Variants in IFFO2 observed in about 807,000 individuals in gnomAD.
The protein encoded by IFFO2 is intermediate filament family orphan 2.
In IFFO2, 19 loss-of-function variants were observed where a neutral mutation model predicts 53.5. The observed-to-expected ratio is 0.36, with a 90% CI of 0.25 to 0.52. The LOEUF is 0.52. Ranked by LOEUF, IFFO2 falls within the 20% of genes least tolerant of loss-of-function variation. The pLI is 0.94. For missense variants in IFFO2, 570 were observed against 727.4 expected (o/e 0.78, Z 2.49); for synonymous variants, 303 against 313.6 (o/e 0.97, Z 0.36).
chr1:18,919,931 T>C lies in IFFO2; in HGVS notation c.727-158A>G, dbSNP rs1340963282. ...ACCAAGGACCTCATCCCAGCCTGAC[T>C]TCCCACTGAACACTGTTGACTGCTT... On this transcript the variant is annotated intron_variant, in intron 2 of 8. Coordinates refer to ENST00000455833, the MANE Select transcript of IFFO2 (RefSeq NM_001136265.2). The surrounding 1 kb of genome is among the most constrained non-coding windows in gnomAD (Gnocchi z 4.9). Among the ~76,000 whole-genome samples, 1 of 152,224 alleles carries C rather than the reference T, an allele frequency of 6.6e-6. No individual in the cohort carries two copies. The highest frequency in any genetic ancestry group is 2.1e-4 in the South Asian group (1 of 4,834).
chr1:18,950,371 G>A (rs1557651149), intron 1 of IFFO2, among the ~76,000 whole-genome samples: 1 of 152,214 alleles, frequency 6.6e-6, no homozygotes, highest in Non-Finnish European at 1.5e-5. Context: ...GGCTGGGGTG[G>A]AGGTAGGTAT....
chr1:18,955,221 C>G (rs1418327281), intron 1 of IFFO2, among the ~76,000 whole-genome samples: 1 of 152,186 alleles, frequency 6.6e-6, no homozygotes, highest in Non-Finnish European at 1.5e-5. Context: ...AGGAGACAGA[C>G]TAGCCAGGAG....
intron 1 of IFFO2, among the ~76,000 whole-genome samples, chr1:18,950,646 C>G (rs975664534): frequency 6.6e-6 from 1 of 152,196 alleles, no homozygotes; most frequent in Non-Finnish European, 1.5e-5. Context: ...TCAGAAATAA[C>G]GAAAGTGTCA....
Position 18,916,503 on chromosome 1 carries a change from C to A in IFFO2, c.1103+400G>T, listed in dbSNP as rs1020706826. Among the ~76,000 whole-genome samples, 1 of 151,882 alleles carries A rather than the reference C, an allele frequency of 6.6e-6. No homozygotes were observed. The highest frequency in any genetic ancestry group is 2.4e-5 in the African/African-American group (1 of 41,346). On this transcript the variant is annotated intron_variant, in intron 5 of 8. Transcript: ENST00000455833. The surrounding 1 kb of genome is among the most constrained non-coding windows in gnomAD (Gnocchi z 4.3). ...AGTCTTGGCTGTGTGCAGTGGTTCA[C>A]GCCTGTAATCCCAGCACTTTGGGAG...
Position 18,917,583 on chromosome 1 carries a change from A to C in IFFO2, c.964-541T>G, listed in dbSNP as rs1027150003. Among the ~76,000 whole-genome samples the C allele has an allele frequency of 2.6e-5, 4 of 152,272 alleles. No homozygotes were observed. The highest frequency in any genetic ancestry group is 7.2e-5 in the African/African-American group (3 of 41,570). On this transcript the variant is annotated intron_variant, in intron 4 of 8. Transcript: ENST00000455833. This position sits in a 1 kb window ranked among gnomAD's most constrained non-coding sequence, Gnocchi z 5.9. ...GCAGAGGGACAGCAAGAAGGCATGGAGGTGGAGAGAGGGCCCCAGGGAGGC... is the reference window on the plus strand; with the variant it reads ...GCAGAGGGACAGCAAGAAGGCATGGCGGTGGAGAGAGGGCCCCAGGGAGGC...
chr1:18,944,191 C>T (rs1368921212), intron 1 of IFFO2, among the ~76,000 whole-genome samples: 1 of 152,194 alleles, frequency 6.6e-6, no homozygotes, highest in Admixed American at 6.5e-5. Flanking sequence ...GAAACCACTA[C>T]AGAATGGCTG....
At chr1:18,931,697 C>T (rs1026182791) in intron 1 of IFFO2, among the ~76,000 whole-genome samples, 2 of 152,190 alleles carry the variant, frequency 1.3e-5, no homozygotes, top group Non-Finnish European at 2.9e-5. Context: ...TTCTGTGAGC[C>T]GGATGTTATC....
At position 18,912,054 on chromosome 1, in the gene IFFO2, C is replaced by T; in HGVS notation, c.1133G>A (p.Cys378Tyr). 1 of 1,551,730 alleles carries T rather than the reference C, an allele frequency of 6.4e-7. No homozygotes were observed. The highest frequency in any genetic ancestry group is 1.2e-5 in the South Asian group (1 of 84,056). Residue 378 changes from cysteine (C) to tyrosine (Y), a missense_variant, in exon 6 of 9, where the codon TGT (cysteine) becomes TAT (tyrosine). Transcript: ENST00000455833. Reference protein sequence around the residue: ...LRETFDFDDDCDSLTWEENED... With the variant: ...LRETFDFDDDYDSLTWEENED... ...ATTCTCTTCCCACGTCAGGCTGTCACAGTCGTCGTCAAAGTCAAAGGTCTC... is the reference window on the plus strand; with the variant it reads ...ATTCTCTTCCCACGTCAGGCTGTCATAGTCGTCGTCAAAGTCAAAGGTCTC...
intron 1 of IFFO2, among the ~76,000 whole-genome samples, chr1:18,938,113 C>T (rs1936472724): frequency 2.0e-5 from 3 of 152,230 alleles, no homozygotes; most frequent in Admixed American, 2.0e-4. Flanking sequence ...TCCCAAAACA[C>T]TTTGACGTCA....
In IFFO2 at chr1:18,956,341, T is replaced by A; in HGVS notation, c.-9A>T. 1 of 305,664 alleles carries A rather than the reference T, an allele frequency of 3.3e-6. No individual in the cohort carries two copies. The highest frequency in any genetic ancestry group is 5.2e-6 in the Non-Finnish European group (1 of 192,794). The allele number at this position is 305,664 out of a possible 1,614,324, so 18.9% of individuals were successfully genotyped here. ...AGCAGCGAGTTCACCATGCGCCGGC[T>A]GCGCGGCTCAGGGCCCCGGGCCCGC... On this transcript the variant is annotated 5_prime_UTR_variant, in exon 1 of 9. Coordinates refer to ENST00000455833, the MANE Select transcript of IFFO2 (RefSeq NM_001136265.2). The surrounding 1 kb of genome is among the most constrained non-coding windows in gnomAD (Gnocchi z 6.4).
chr1:18,950,918 A>C (rs1345502199), intron 1 of IFFO2, among the ~76,000 whole-genome samples: 1 of 152,212 alleles, frequency 6.6e-6, no homozygotes, highest in Non-Finnish European at 1.5e-5. Flanking sequence ...TTTTTAAAAA[A>C]ATGTTTAAAA....
intron 1 of IFFO2, among the ~76,000 whole-genome samples, chr1:18,924,016 G>A (rs1341954578): frequency 2.0e-5 from 3 of 152,204 alleles, no homozygotes; most frequent in South Asian, 2.1e-4. Context: ...AAAGCCAGAC[G>A]GGGGAGGCAG....
intron 1 of IFFO2, among the ~76,000 whole-genome samples, chr1:18,937,632 CTT>C (rs1267586017): frequency 6.6e-6 from 1 of 152,204 alleles, no homozygotes; most frequent in African/African-American, 2.4e-5. Context: ...CGGAGGGCAT[CTT>C]TATTGGAGCT....
chr1:18,926,301 A>G (rs2148174211), intron 1 of IFFO2, among the ~76,000 whole-genome samples: 1 of 152,298 alleles, frequency 6.6e-6, no homozygotes, highest in Admixed American at 6.5e-5. Flanking sequence ...AGCTTCATCC[A>G]TTCGGCTCCA....
chr1:18,940,534 T>C (rs1466847288), intron 1 of IFFO2, among the ~76,000 whole-genome samples: 1 of 151,064 alleles, frequency 6.6e-6, no homozygotes, highest in African/African-American at 2.4e-5. Context: ...CAGAAAAGGA[T>C]GGATGGATGG....
rs544185203 is a variant in IFFO2, at chr1:18,939,822, C to A, written c.665+15846G>T. Among the ~76,000 whole-genome samples, 8 of 152,324 alleles carry A rather than the reference C, an allele frequency of 5.3e-5. No individual in the cohort carries two copies. The East Asian group carries it at 1.5e-3, about 29-fold the overall frequency. Reference sequence around the variant, plus strand: ...GATCATGGTTAGACACCAGGAAGCACTTCCCAATGGAAAAGGCCACAAGGA... The same window carrying A: ...GATCATGGTTAGACACCAGGAAGCAATTCCCAATGGAAAAGGCCACAAGGA... On this transcript the variant is annotated intron_variant, in intron 1 of 8. Coordinates refer to ENST00000455833, the MANE Select transcript of IFFO2 (RefSeq NM_001136265.2).
At chr1:18,912,402 A>G (rs1317676085) in intron 5 of IFFO2, among the ~76,000 whole-genome samples, 1 of 152,050 alleles carries the variant, frequency 6.6e-6, no homozygotes, top group Non-Finnish European at 1.5e-5. Context: ...TTTAACAGCT[A>G]TTTCTTGAGC....
chr1:18,916,850 C>T lies in IFFO2; in HGVS notation c.1103+53G>A. On this transcript the variant is annotated intron_variant, in intron 5 of 8. Coordinates refer to ENST00000455833, the MANE Select transcript of IFFO2 (RefSeq NM_001136265.2). The surrounding 1 kb of genome is among the most constrained non-coding windows in gnomAD (Gnocchi z 4.3). ...AGCCCAAGCCTCCCATTCACCGCCC[C>T]TGTGCAAGCAATCCGGGGAAACGGA... The T allele has an allele frequency of 6.5e-7, 1 of 1,544,376 alleles. No homozygotes were observed. The highest frequency in any genetic ancestry group is 8.8e-7 in the Non-Finnish European group (1 of 1,141,748).
At position 18,954,938 on chromosome 1, in the gene IFFO2, G is replaced by T. The variant is rs182432792; in HGVS notation, c.665+730C>A. On this transcript the variant is annotated intron_variant, in intron 1 of 8. Transcript: ENST00000455833. ...CAATAAACCATGAGACTCAGGGAGT[G>T]GGGAGAAGAGGGATGAAAGGAGGCA... is the stretch of plus-strand genomic sequence containing the variant. Among the ~76,000 whole-genome samples, 3 of 152,310 alleles carry T rather than the reference G, an allele frequency of 2.0e-5. No individual in the cohort carries two copies. The East Asian group carries it at 5.8e-4, about 29-fold the overall frequency.
Sources: allele counts gnomAD v4.1 joint callset (sites outside exome capture counted in the v4.1 genomes callset), GRCh38; gene constraint gnomAD v4.1.1; non-coding constraint Gnocchi (gnomAD v3.1); transcripts MANE v1.5; gene names NCBI Gene and HGNC (gene_info 2026-07-23, HGNC 2026-07-21).